SNX30: variants seen among roughly 807,000 people sequenced by gnomAD.
SNX30 encodes the protein sorting nexin-30.
In SNX30, 24 loss-of-function variants were observed where a neutral mutation model predicts 46.4. That is an observed-to-expected ratio of 0.52 (90% confidence interval 0.37 to 0.73). SNX30 has a LOEUF of 0.73. Among genes scored for constraint, SNX30 ranks in the 30% least tolerant of loss-of-function variants. The probability of loss-of-function intolerance (pLI) is 0.00; values close to 1 mark genes in which losing one functional copy is unlikely to be tolerated. For missense variants in SNX30, 533 were observed against 555.7 expected (o/e 0.96, Z 0.41); for synonymous variants, 189 against 211.5 (o/e 0.89, Z 0.92).
chr9:112,789,440 T>C (rs1315422894), intron 1 of SNX30, among the ~76,000 whole-genome samples: 2 of 152,208 alleles, frequency 1.3e-5, no homozygotes, highest in East Asian at 1.9e-4. Flanking sequence ...CACTATTGCA[T>C]TGCATCAGAG....
chr9:112,770,141 C>A (rs918640125), intron 1 of SNX30, among the ~76,000 whole-genome samples: 1 of 152,068 alleles, frequency 6.6e-6, no homozygotes, highest in Non-Finnish European at 1.5e-5. Context: ...ACATCAGTCG[C>A]ATCATGTCTC....
intron 1 of SNX30, among the ~76,000 whole-genome samples, chr9:112,794,008 G>A (rs1285165964): frequency 7.5e-6 from 1 of 133,882 alleles, no homozygotes; most frequent in Non-Finnish European, 1.5e-5. Flanking sequence ...GTTTCACTCT[G>A]TGTTCTTTGT....
chr9:112,788,530 C>T (rs550215430), intron 1 of SNX30, among the ~76,000 whole-genome samples: 45 of 152,230 alleles, frequency 3.0e-4, no homozygotes, highest in African/African-American at 8.4e-4. Context: ...ACCTAAGGAA[C>T]GCCTGGATTG....
chr9:112,768,640 C>T (rs376031373), intron 1 of SNX30, among the ~76,000 whole-genome samples: 8 of 5,200 alleles, frequency 1.5e-3, no homozygotes, highest in Admixed American at 5.0e-3. Context: ...CTAGATAATT[C>T]TTTCTTCTTT....
chr9:112,843,571 GAGTA>G (rs995700099), intron 6 of SNX30, among the ~76,000 whole-genome samples: 2 of 150,142 alleles, frequency 1.3e-5, no homozygotes, highest in African/African-American at 4.9e-5. Flanking sequence ...GTGAGCAAAG[GAGTA>G]AGTGGTAAGC....
chr9:112,790,363 A>G (rs189391781), intron 1 of SNX30, among the ~76,000 whole-genome samples: 1,898 of 152,354 alleles, frequency 0.012, 23 homozygotes, highest in Non-Finnish European at 0.021. Context: ...GGTGTGCAAC[A>G]AACATGTATT....
chr9:112,757,740 A>G (rs979828758), intron 1 of SNX30, among the ~76,000 whole-genome samples: 1 of 151,466 alleles, frequency 6.6e-6, no homozygotes, highest in Non-Finnish European at 1.5e-5. Flanking sequence ...GACCTCTTGG[A>G]TTCCCCTACC....
chr9:112,826,615 G>A (rs1840583049), intron 3 of SNX30, among the ~76,000 whole-genome samples: 2 of 152,100 alleles, frequency 1.3e-5, no homozygotes, highest in South Asian at 2.1e-4. Flanking sequence ...AGGGGAGGAG[G>A]GGTTGTTTTC....
At chr9:112,795,523 G>A (rs1158358199) in intron 1 of SNX30, among the ~76,000 whole-genome samples, 1 of 152,098 alleles carries the variant, frequency 6.6e-6, no homozygotes, top group Non-Finnish European at 1.5e-5. Flanking sequence ...TAGCATAGGA[G>A]GGAAGAATCT....
At chr9:112,864,191 A>C (rs1841281369) in intron 7 of SNX30, 56 bp from the exon 8 acceptor site, 2 of 1,591,094 alleles carry the variant, frequency 1.3e-6, no homozygotes, top group Admixed American at 3.3e-5. Context: ...GAGGAGCTCA[A>C]GGCAAGAGAT....
chr9:112,788,083 A>T (rs787274), intron 1 of SNX30, among the ~76,000 whole-genome samples: 6 of 151,998 alleles, frequency 3.9e-5, no homozygotes, highest in Admixed American at 1.3e-4. Context: ...TAAAAGTGCA[A>T]GGCTTTTGCA....
chr9:112,828,396 A>G (rs1840609509), intron 3 of SNX30, among the ~76,000 whole-genome samples: 1 of 152,246 alleles, frequency 6.6e-6, no homozygotes, highest in African/African-American at 2.4e-5. Context: ...TAGCCGCACC[A>G]TCTAGGTTTG....
intron 1 of SNX30, 48 bp from the exon 2 acceptor site, chr9:112,804,728 C>T: frequency 1.4e-6 from 2 of 1,390,382 alleles, no homozygotes; most frequent in Non-Finnish European, 9.3e-7. Flanking sequence ...TGCTGATACT[C>T]TCCAGTATGT....
At chr9:112,812,456 A>T (rs1397058991) in intron 2 of SNX30, among the ~76,000 whole-genome samples, 1 of 152,114 alleles carries the variant, frequency 6.6e-6, no homozygotes, top group Admixed American at 6.5e-5. Context: ...GGGTTTCACC[A>T]TGTTGGCCAG....
rs1254439144 is a variant in SNX30 at position 112,838,625 on chromosome 9, G to A, written c.942G>A (p.Glu314=). The A allele has an allele frequency of 3.7e-6, 6 of 1,614,210 alleles. No homozygotes were observed. The highest frequency in any genetic ancestry group is 5.1e-6 in the Non-Finnish European group (6 of 1,180,044). The change falls in exon 6 of 9, where the codon GAG becomes GAA. Residue 314 remains glutamate (E), a synonymous_variant. Coordinates refer to ENST00000374232, the MANE Select transcript of SNX30 (RefSeq NM_001012994.2). ...CIGNCSTALE[E]LTDDMTEDFL... is the part of the protein sequence containing the mutation. ...GGAACTGCTCTACAGCCTTAGAAGAGCTGACAGATGACATGACAGAAGACT... is the reference window on the plus strand; with the variant it reads ...GGAACTGCTCTACAGCCTTAGAAGAACTGACAGATGACATGACAGAAGACT...
At chr9:112,786,931 A>G (rs1027820036) in intron 1 of SNX30, among the ~76,000 whole-genome samples, 6 of 152,192 alleles carry the variant, frequency 3.9e-5, no homozygotes, top group Non-Finnish European at 8.8e-5. Context: ...TGTTTTAACT[A>G]TGATCAGACT....
intron 1 of SNX30, among the ~76,000 whole-genome samples, chr9:112,757,307 A>G (rs1469175272): frequency 1.3e-5 from 2 of 152,148 alleles, no homozygotes; most frequent in African/African-American, 2.4e-5. Context: ...CATTCACGTT[A>G]TGGCAAATGA....
At chr9:112,820,801 T>C (rs1467406525) in intron 3 of SNX30, among the ~76,000 whole-genome samples, 1 of 152,220 alleles carries the variant, frequency 6.6e-6, no homozygotes, top group Non-Finnish European at 1.5e-5. Context: ...TTTTTTTTGT[T>C]ACTGGGTTTT....
intron 1 of SNX30, among the ~76,000 whole-genome samples, chr9:112,787,694 A>G (rs1839952802): frequency 6.6e-6 from 1 of 151,950 alleles, no homozygotes; most frequent in African/African-American, 2.4e-5. Flanking sequence ...TGCACATGCA[A>G]ATGTTGGTGC....
Sources: gnomAD v4.1 joint callset for allele counts (sites outside exome capture counted in the v4.1 genomes callset) on GRCh38, gnomAD v4.1.1 for gene constraint, MANE v1.5 for transcripts, NCBI Gene and HGNC (gene_info 2026-07-23, HGNC 2026-07-21) for gene names.